SAMD4A: variants seen among roughly 807,000 people sequenced by gnomAD.
SAMD4A encodes sterile alpha motif domain containing 4A.
Under a neutral mutation model 81.3 loss-of-function variants are expected in SAMD4A, and 33 were observed. The ratio of observed to expected loss-of-function variants is 0.41; its 90% confidence interval spans 0.31 to 0.54. The LOEUF (loss-of-function observed/expected upper bound fraction) is 0.54, where lower values mean the gene tolerates loss of function less well. SAMD4A is among the 20% of genes least tolerant of loss of function. The pLI is 0.37. For synonymous variants in SAMD4A, 389 were observed against 382.1 expected, an observed-to-expected ratio of 1.02 and a Z score of -0.21; for missense variants, 854 against 951.1, an observed-to-expected ratio of 0.90 and a Z score of 1.34.
In SAMD4A at chr14:54,658,209, G is replaced by A. The variant is rs138441123; in HGVS notation, c.197-43853G>A. Among the ~76,000 whole-genome samples the A allele has an allele frequency of 6.9e-3, 1,048 of 152,278 alleles. 11 individuals carry two copies. The highest frequency in any genetic ancestry group is 0.024 in the African/African-American group (993 of 41,548). On this transcript the variant is annotated intron_variant, in intron 2 of 12. Transcript: ENST00000554335. ...GCCCATAATCCCAGCTACTCGGGAG[G>A]CTGAGACATGAGAATTGCTTGAACC...
intron 2 of SAMD4A, among the ~76,000 whole-genome samples, chr14:54,613,137 AAAGG>A (rs66698502): frequency 0.042 from 6,039 of 144,610 alleles, 165 homozygotes; most frequent in East Asian, 0.15. Flanking sequence ...AGAGAGAGAG[AAAGG>A]AAGGAAGGAA....
chr14:54,602,621 G>A (rs921402754), intron 2 of SAMD4A, among the ~76,000 whole-genome samples: 5 of 151,972 alleles, frequency 3.3e-5, no homozygotes, highest in African/African-American at 7.2e-5. Context: ...ATTCACCTTC[G>A]GGACATCACA....
chr14:54,674,668 T>G (rs2035952930), intron 2 of SAMD4A, among the ~76,000 whole-genome samples: 1 of 152,226 alleles, frequency 6.6e-6, no homozygotes, highest in Non-Finnish European at 1.5e-5. Flanking sequence ...TCTATTGACA[T>G]TCTTATCATT....
chr14:54,782,311 AT>A (rs1214877838), intron 11 of SAMD4A, among the ~76,000 whole-genome samples: 1 of 151,750 alleles, frequency 6.6e-6, no homozygotes, highest in Admixed American at 6.6e-5. Flanking sequence ...GAGCATATGG[AT>A]GGCTATAATT....
chr14:54,784,213 T>C, intron 11 of SAMD4A: 1 of 701,618 alleles, frequency 1.4e-6, no homozygotes, highest in Non-Finnish European at 2.6e-6. Context: ...GCCTGGATCA[T>C]GCGGGGCCTT....
intron 4 of SAMD4A, among the ~76,000 whole-genome samples, chr14:54,738,126 A>G (rs2140931127): frequency 6.6e-6 from 1 of 152,360 alleles, no homozygotes; most frequent in Admixed American, 6.5e-5. Flanking sequence ...GTGAAACAGT[A>G]ACCACTCATG....
At chr14:54,600,377 T>G (rs902583694) in intron 2 of SAMD4A, among the ~76,000 whole-genome samples, 5 of 152,216 alleles carry the variant, frequency 3.3e-5, no homozygotes, top group African/African-American at 2.4e-5. Context: ...ACTGTTTTTG[T>G]TTTTCTATTT....
chr14:54,657,106 A>G (rs748758935), intron 2 of SAMD4A, among the ~76,000 whole-genome samples: 5 of 152,188 alleles, frequency 3.3e-5, no homozygotes, highest in African/African-American at 7.2e-5. Flanking sequence ...AGATATGTCT[A>G]ACACCTGTAA....
At chr14:54,625,430 A>G (rs893074514) in intron 2 of SAMD4A, among the ~76,000 whole-genome samples, 1 of 152,214 alleles carries the variant, frequency 6.6e-6, no homozygotes, top group African/African-American at 2.4e-5. Context: ...TGTCATTCTG[A>G]GATGAGCTGC....
intron 2 of SAMD4A, among the ~76,000 whole-genome samples, chr14:54,601,745 T>A (rs2034058087): frequency 6.6e-6 from 1 of 152,338 alleles, no homozygotes; most frequent in Admixed American, 6.5e-5. Flanking sequence ...TTTATTTGAA[T>A]CTTGTGTCTG....
intron 3 of SAMD4A, among the ~76,000 whole-genome samples, chr14:54,724,926 G>C (rs1020478281): frequency 6.6e-6 from 1 of 152,174 alleles, no homozygotes; most frequent in Non-Finnish European, 1.5e-5. Flanking sequence ...GTGTGAGAGA[G>C]AACCGCACTG....
chr14:54,637,365 CAAAA>C (rs1172084217), intron 2 of SAMD4A, among the ~76,000 whole-genome samples: 4,394 of 63,530 alleles, frequency 0.069, 77 homozygotes, highest in East Asian at 0.19. Flanking sequence ...AACTCCATCT[CAAAA>C]AAAAAAAAAA....
intron 6 of SAMD4A, among the ~76,000 whole-genome samples, chr14:54,753,773 T>C (rs1273002237): frequency 6.6e-6 from 1 of 152,222 alleles, no homozygotes; most frequent in Non-Finnish European, 1.5e-5. Context: ...ATTAAAGACC[T>C]CTTCTTACTT....
chr14:54,791,695 AC>A lies in SAMD4A; in HGVS notation c.*2754del, dbSNP rs1193349491. The stretch of plus-strand genomic sequence containing the variant: ...AGTTGAGTGTTTGATAAATTTTAAG[AC>A]CCTGTCCCCACCTTGTTTTGAGTCC... On this transcript the variant is annotated 3_prime_UTR_variant, in exon 13 of 13. Transcript: ENST00000554335. 2 of 152,168 alleles carry A rather than the reference AC, an allele frequency of 1.3e-5. No individual in the cohort carries two copies. Among genetic ancestry groups the A allele is most frequent in the East Asian group, 3.9e-4 (2 of 5,188 alleles). 9.4% of individuals were successfully genotyped at this position (152,168 alleles called of 1,614,324 possible).
chr14:54,669,086 C>T (rs1199558690), intron 2 of SAMD4A, among the ~76,000 whole-genome samples: 1 of 152,204 alleles, frequency 6.6e-6, no homozygotes, highest in Non-Finnish European at 1.5e-5. Context: ...ACCATTAAGC[C>T]ATTCGTGGGA....
intron 11 of SAMD4A, among the ~76,000 whole-genome samples, chr14:54,777,446 T>C (rs2038884493): frequency 6.6e-6 from 1 of 152,136 alleles, no homozygotes; most frequent in Non-Finnish European, 1.5e-5. Context: ...GGAGCAAGAC[T>C]GCAAAGGTCC....
chr14:54,657,724 A>G (rs953043980), intron 2 of SAMD4A, among the ~76,000 whole-genome samples: 1 of 152,194 alleles, frequency 6.6e-6, no homozygotes, highest in Non-Finnish European at 1.5e-5. Context: ...GTAAGTGGAA[A>G]TTAAGATTTT....
chr14:54,643,877 G>A (rs898397400), intron 2 of SAMD4A, among the ~76,000 whole-genome samples: 6 of 152,112 alleles, frequency 3.9e-5, no homozygotes, highest in African/African-American at 1.2e-4. Context: ...GAGAACAGAC[G>A]CCTTTCCACC....
At chr14:54,767,113 C>T (rs1188841451) in intron 8 of SAMD4A, among the ~76,000 whole-genome samples, 1 of 152,104 alleles carries the variant, frequency 6.6e-6, no homozygotes, top group African/African-American at 2.4e-5. Flanking sequence ...AAATGTTGTT[C>T]AGGGCTTTTT....
Sources: gnomAD v4.1 joint callset for allele counts (sites outside exome capture counted in the v4.1 genomes callset) on GRCh38, gnomAD v4.1.1 for gene constraint, MANE v1.5 for transcripts, NCBI Gene and HGNC (gene_info 2026-07-23, HGNC 2026-07-21) for gene names.